The following PLSCR2 variants were observed in gnomAD, a reference collection of about 807,000 sequenced individuals.
PLSCR2 encodes phospholipid scramblase 2.
PLSCR2 carries 18 observed loss-of-function variants against 25.3 expected under a neutral mutation model. The observed-to-expected ratio is 0.71, with a 90% confidence interval of 0.49 to 1.06. The LOEUF is 1.06. Ranked by LOEUF, PLSCR2 falls within the 50% of genes least tolerant of loss-of-function variation. The pLI, the probability that PLSCR2 is intolerant of heterozygous loss-of-function variation, is 0.00. For synonymous variants in PLSCR2, 88 were observed against 87.3 expected (o/e 1.01, Z -0.04); for missense variants, 243 against 269.5 (o/e 0.90, Z 0.69).
chr3:146,467,759 G>T (rs1381366718), intron 1 of PLSCR2, among the ~76,000 whole-genome samples: 1 of 152,138 alleles, frequency 6.6e-6, no homozygotes, highest in Non-Finnish European at 1.5e-5. Flanking sequence ...TGTCAGGAAA[G>T]TCAGAGCGGA....
chr3:146,483,280 CG>C (rs1313665776), intron 1 of PLSCR2, among the ~76,000 whole-genome samples: 60 of 14,304 alleles, frequency 4.2e-3, no homozygotes, highest in Admixed American at 0.011. Context: ...ACGTGGTGAA[CG>C]GGGGGTGGGG....
At chr3:146,437,867 G>C (rs2039979952), downstream of PLSCR2, among the ~76,000 whole-genome samples, 1 of 152,072 alleles carries the variant, frequency 6.6e-6, no homozygotes, top group African/African-American at 2.4e-5. Flanking sequence ...TGTGATGTTA[G>C]GGTGTCAATT....
intron 1 of PLSCR2, among the ~76,000 whole-genome samples, chr3:146,492,153 A>G (rs937119315): frequency 3.3e-5 from 5 of 152,130 alleles, no homozygotes; most frequent in Non-Finnish European, 5.9e-5. Context: ...CTGACCTGGA[A>G]ACAGGCCTTC....
At chr3:146,456,771 C>T (rs1214408233) in intron 3 of PLSCR2, among the ~76,000 whole-genome samples, 1 of 151,550 alleles carries the variant, frequency 6.6e-6, no homozygotes, top group Non-Finnish European at 1.5e-5. Context: ...TGTTAGCAAA[C>T]AATATAGACT....
downstream of PLSCR2, among the ~76,000 whole-genome samples, chr3:146,438,048 G>A (rs952568270): frequency 4.1e-4 from 62 of 152,298 alleles, no homozygotes; most frequent in Non-Finnish European, 7.3e-4. Flanking sequence ...AGTCATTCAG[G>A]AGCAGGTTGT....
Position 146,475,169 on chromosome 3 carries a change from T to A in PLSCR2, c.-292-14885A>T, listed in dbSNP as rs369699325. Among the ~76,000 whole-genome samples, 50 of 152,222 alleles carry A rather than the reference T, an allele frequency of 3.3e-4. No individual in the cohort carries two copies. The South Asian group carries it at 9.6e-3, about 29-fold the overall frequency. On this transcript the variant is annotated intron_variant, in intron 1 of 8. Coordinates refer to the PLSCR2 transcript ENST00000336685. The stretch of plus-strand genomic sequence containing the variant: ...TTCATCCATCTGATCCTTTGTCCAG[T>A]TCTGTGCCCTTGACGGAGAGATGTT...
At chr3:146,404,962 C>G (rs1309050091) in intron 2 of PLSCR2, among the ~76,000 whole-genome samples, 1 of 151,948 alleles carries the variant, frequency 6.6e-6, no homozygotes, top group Non-Finnish European at 1.5e-5. Context: ...GATGTTTGAC[C>G]CTTAAGGCCT....
At chr3:146,428,909 C>T (rs960719220), downstream of PLSCR2, among the ~76,000 whole-genome samples, 4 of 152,168 alleles carry the variant, frequency 2.6e-5, no homozygotes, top group Non-Finnish European at 5.9e-5. Flanking sequence ...TGGCTTTGAG[C>T]CACCTCCCTG....
chr3:146,444,504 T>C (rs757193918), intron 6 of PLSCR2, among the ~76,000 whole-genome samples: 2 of 152,028 alleles, frequency 1.3e-5, no homozygotes, highest in African/African-American at 2.4e-5. Context: ...GACCCCTGTA[T>C]CATTACATAA....
downstream of PLSCR2, among the ~76,000 whole-genome samples, chr3:146,429,512 A>T (rs1454146811): frequency 6.6e-6 from 1 of 152,200 alleles, no homozygotes; most frequent in Admixed American, 6.5e-5. Flanking sequence ...GTGATGACTG[A>T]GGGTATCTAG....
At chr3:146,422,402 A>T (rs1452215056) in intron 2 of PLSCR2, among the ~76,000 whole-genome samples, 3 of 151,970 alleles carry the variant, frequency 2.0e-5, no homozygotes, top group Non-Finnish European at 4.4e-5. Context: ...ATAAATTGTA[A>T]CTCCTTTTTC....
exon 6 of PLSCR2, chr3:146,449,335 G>A (rs1391519821): frequency 2.5e-6 from 4 of 1,597,622 alleles, no homozygotes. Context: ...TAGAAATCCT[G>A]CCAACCACAA....
downstream of PLSCR2, among the ~76,000 whole-genome samples, chr3:146,430,958 T>A (rs1369518854): frequency 6.6e-6 from 1 of 152,102 alleles, no homozygotes; most frequent in Admixed American, 6.6e-5. Flanking sequence ...CCTACTGACC[T>A]TCCATGCACT....
At chr3:146,436,693 C>G (rs1024753049) in intron 8 of PLSCR2, among the ~76,000 whole-genome samples, 20 of 152,036 alleles carry the variant, frequency 1.3e-4, no homozygotes, top group African/African-American at 4.8e-4. Context: ...ATGGGGTTTT[C>G]TAAAGATACA....
chr3:146,413,261 AC>A (rs915311007), intron 2 of PLSCR2, among the ~76,000 whole-genome samples: 1 of 152,100 alleles, frequency 6.6e-6, no homozygotes, highest in Non-Finnish European at 1.5e-5. Context: ...GATGAACAGT[AC>A]CTGGCTCCCT....
At chr3:146,439,086 A>C (rs566213242), downstream of PLSCR2, among the ~76,000 whole-genome samples, 121 of 152,328 alleles carry the variant, frequency 7.9e-4, 2 homozygotes, top group South Asian at 0.025. Context: ...TTTCTTTAAG[A>C]ATGTTGAATA....
intron 2 of PLSCR2, among the ~76,000 whole-genome samples, chr3:146,426,126 A>G (rs1202855809): frequency 6.6e-6 from 1 of 151,904 alleles, no homozygotes; most frequent in Non-Finnish European, 1.5e-5. Context: ...ACAAAGGAAC[A>G]TTCTATTTTT....
chr3:146,495,433 C>T, intron 1 of PLSCR2, among the ~76,000 whole-genome samples: 1 of 152,128 alleles, frequency 6.6e-6, no homozygotes, highest in East Asian at 1.9e-4. Flanking sequence ...CTGAATATAT[C>T]TTTCTGAAAT....
chr3:146,471,844 G>A lies in PLSCR2; in HGVS notation c.-292-11560C>T, dbSNP rs532267411. 9.9e-5 allele frequency among the ~76,000 whole-genome samples: 15 copies of A among 152,280 alleles called. 1 individual carries two copies. The East Asian group carries it at 2.5e-3, about 26-fold the overall frequency. On this transcript the variant is annotated intron_variant, in intron 1 of 8. Transcript: ENST00000336685. ...CTCCCAAAGTGCTGGGATTGCAGGCGTGAGCCACCATGCCCGGCCAAGATA... is the reference window on the plus strand; with the variant it reads ...CTCCCAAAGTGCTGGGATTGCAGGCATGAGCCACCATGCCCGGCCAAGATA...
Sources: gnomAD v4.1 joint callset for allele counts (sites outside exome capture counted in the v4.1 genomes callset) on GRCh38, gnomAD v4.1.1 for gene constraint, MANE v1.5 for transcripts, NCBI Gene and HGNC (gene_info 2026-07-23, HGNC 2026-07-21) for gene names.